Variants in GOSR2 observed in about 807,000 individuals in gnomAD.
GOSR2 encodes golgi SNAP receptor complex member 2, also known as 27 kDa Golgi SNARE protein.
GOSR2 carries 20 observed loss-of-function variants against 27.9 expected under a neutral mutation model. That is an observed-to-expected ratio of 0.72 (90% CI 0.50 to 1.04). The LOEUF is 1.04. Among genes scored for constraint, GOSR2 ranks in the 50% least tolerant of loss-of-function variants. The probability of loss-of-function intolerance (pLI) is 0.00; values close to 1 mark genes in which losing one functional copy is unlikely to be tolerated. For synonymous variants in GOSR2, 91 were observed against 98.8 expected (o/e 0.92, Z 0.47); for missense variants, 261 against 270.5 (o/e 0.97, Z 0.25).
chr17:46,944,348 A>G (rs1245051092), downstream of GOSR2, among the ~76,000 whole-genome samples: 2 of 152,232 alleles, frequency 1.3e-5, no homozygotes, highest in African/African-American at 2.4e-5. Flanking sequence ...GCTGGCAGCA[A>G]CCACGGGCCA....
At position 46,941,984 on chromosome 17, in the gene GOSR2, GT is replaced by G; in HGVS notation, c.*3226del. Reference sequence around the variant, plus strand: ...CACATTGGTGTAAAGAGCAAAACTTGTTAAGTCCAAAATAAATTCTTACTGT... The same window carrying G: ...CACATTGGTGTAAAGAGCAAAACTTGTAAGTCCAAAATAAATTCTTACTGT... On this transcript the variant is annotated 3_prime_UTR_variant, in exon 6 of 6. Transcript: ENST00000640051. 2.0e-6 allele frequency: 2 copies of G among 982,578 alleles called. No individual in the cohort carries two copies. Among genetic ancestry groups the G allele is most frequent in the South Asian group, 9.4e-5 (2 of 21,230 alleles). 60.9% of individuals were successfully genotyped at this position (982,578 alleles called of 1,614,324 possible).
At chr17:46,952,158 G>A (rs187056869) in intron 6 of GOSR2, among the ~76,000 whole-genome samples, 7 of 152,150 alleles carry the variant, frequency 4.6e-5, no homozygotes, top group East Asian at 3.9e-4. Flanking sequence ...CCAGCATCTC[G>A]TCTTTGGACT....
chr17:46,924,845 G>A (rs560251351), intron 1 of GOSR2, among the ~76,000 whole-genome samples: 21 of 152,292 alleles, frequency 1.4e-4, no homozygotes, highest in African/African-American at 5.1e-4. Flanking sequence ...CAATAGCAGG[G>A]CACAATGGGC....
At chr17:46,943,668 C>G (rs570249473), downstream of GOSR2, among the ~76,000 whole-genome samples, 2 of 152,354 alleles carry the variant, frequency 1.3e-5, no homozygotes, top group East Asian at 1.9e-4. Context: ...GAGCCCATCC[C>G]CCATGCAGGG....
At chr17:46,946,883 T>G (rs117253101), downstream of GOSR2, among the ~76,000 whole-genome samples, 6 of 152,044 alleles carry the variant, frequency 3.9e-5, no homozygotes, top group East Asian at 1.2e-3. Context: ...AAACAAAAAT[T>G]ATGAGATGTC....
intron 6 of GOSR2, chr17:46,966,457 C>T (rs2091324494): frequency 8.1e-6 from 5 of 619,726 alleles, no homozygotes; most frequent in Non-Finnish European, 1.5e-5. Flanking sequence ...AAGCAATCCT[C>T]CCATCTCAGC....
Position 46,938,614 on chromosome 17 carries a change from A to C in GOSR2, c.493A>C (p.Ile165Leu), listed in dbSNP as rs1568183739. 2 of 1,613,934 alleles carry C rather than the reference A, an allele frequency of 1.2e-6. No homozygotes were observed. Among genetic ancestry groups the C allele is most frequent in the African/African-American group, 2.7e-5 (2 of 74,982 alleles). ...RLTLKGTQKKILDIANMLGLS... is the reference protein window; with the variant it reads ...RLTLKGTQKKLLDIANMLGLS... ...TCTGCCCCAGGGGACTCAGAAGAAGATCCTTGACATTGCCAACATGCTGGG... is the reference window on the plus strand; with the variant it reads ...TCTGCCCCAGGGGACTCAGAAGAAGCTCCTTGACATTGCCAACATGCTGGG... Residue 165 changes from isoleucine to leucine, a missense_variant, in exon 6 of 6, where the codon ATC becomes CTC. Physicochemically the swap from Ile to Leu is conservative, Grantham distance 5. Coordinates refer to ENST00000640051, the MANE Select transcript of GOSR2 (RefSeq NM_004287.5).
downstream of GOSR2, among the ~76,000 whole-genome samples, chr17:46,970,477 T>C (rs2091379784): frequency 1.4e-5 from 2 of 140,610 alleles, no homozygotes; most frequent in African/African-American, 2.6e-5. Flanking sequence ...GAGGCACAGG[T>C]TGCAGCAAGC....
chr17:46,940,137 G>T lies in GOSR2; in HGVS notation c.*1377G>T. 1 of 1,251,254 alleles carries T rather than the reference G, an allele frequency of 8.0e-7. No individual in the cohort carries two copies. The highest frequency in any genetic ancestry group is 1.0e-6 in the Non-Finnish European group (1 of 991,764). The allele number at this position is 1,251,254 out of a possible 1,614,324, so 77.5% of individuals were successfully genotyped here. On this transcript the variant is annotated 3_prime_UTR_variant, in exon 6 of 6. Transcript: ENST00000640051. ...CTTCACCTCTCTTGTTCCCCTCCCC[G>T]CTGCTCTGTAGTCATGTTGGTCCTT...
At chr17:46,959,848 C>A (rs148075480) in intron 6 of GOSR2, among the ~76,000 whole-genome samples, 315 of 152,336 alleles carry the variant, frequency 2.1e-3, no homozygotes, top group Non-Finnish European at 3.8e-3. Flanking sequence ...ACCACTGGAG[C>A]TGACTTTCTT....
At chr17:46,974,993 T>C (rs1023839220) in intron 6 of GOSR2, among the ~76,000 whole-genome samples, 5 of 12,720 alleles carry the variant, frequency 3.9e-4, no homozygotes, top group African/African-American at 6.5e-4. Context: ...TTTTCTTTTT[T>C]TTTTTTTTTT....
intron 6 of GOSR2, among the ~76,000 whole-genome samples, chr17:46,974,457 G>A (rs972450706): frequency 1.3e-5 from 2 of 152,200 alleles, no homozygotes; most frequent in Middle Eastern, 3.2e-3. Context: ...CATCTCCGCC[G>A]GGCGCGGTGG....
exon 7 of GOSR2, chr17:46,966,973 T>A: frequency 3.1e-6 from 1 of 327,652 alleles, no homozygotes; most frequent in Non-Finnish European, 5.5e-6. Context: ...GTTTTGCTTA[T>A]TTGATTAAAT....
In GOSR2 at chr17:46,923,361, G is replaced by A. The variant is rs545533018; in HGVS notation, c.29+140G>A. The A allele has an allele frequency of 7.3e-6, 11 of 1,499,214 alleles. No individual in the cohort carries two copies. In the East Asian group the frequency reaches 2.7e-4, roughly 37 times the overall value. 92.9% of individuals were successfully genotyped at this position (1,499,214 alleles called of 1,614,324 possible). A position where few individuals can be genotyped will look rare whatever the true frequency, so the allele number is the denominator to read the frequency against. On this transcript the variant is annotated intron_variant, in intron 1 of 5. Coordinates refer to ENST00000640051, the MANE Select transcript of GOSR2 (RefSeq NM_004287.5). Reference sequence around the variant, plus strand: ...GGGCACTGCTGGGGATGCCTCCGAAGTGCTTAATCCTTGGCGGGACTCCCA... The same window carrying A: ...GGGCACTGCTGGGGATGCCTCCGAAATGCTTAATCCTTGGCGGGACTCCCA...
In GOSR2 at chr17:46,923,196, G is replaced by C. The variant is rs1425442098; in HGVS notation, c.4G>C (p.Asp2His). The C allele has an allele frequency of 3.0e-5, 47 of 1,547,156 alleles. No individual in the cohort carries two copies. The highest frequency in any genetic ancestry group is 4.0e-5 in the Non-Finnish European group (46 of 1,143,156). Reference protein sequence around the residue: MDPLFQQTHKQV... With the variant: MHPLFQQTHKQV... ...CGTGGCCTGCGGGGCCGGCGACATG[G>C]ATCCCCTGTTCCAGCAAACGCACAA... Residue 2 changes from aspartate (D) to histidine (H), a missense_variant, in exon 1 of 6, where the codon GAT (aspartate) becomes CAT (histidine). Physicochemically the swap from Asp to His is moderately conservative, Grantham distance 81. Coordinates refer to ENST00000640051, the MANE Select transcript of GOSR2 (RefSeq NM_004287.5).
chr17:46,928,929 C>T (rs1466748458), intron 1 of GOSR2, among the ~76,000 whole-genome samples: 4 of 152,106 alleles, frequency 2.6e-5, no homozygotes, highest in Non-Finnish European at 5.9e-5. Context: ...CCTCTGTCTG[C>T]TTGCCTGTGA....
At chr17:46,949,906 G>A (rs550114913) in intron 6 of GOSR2, among the ~76,000 whole-genome samples, 1 of 152,318 alleles carries the variant, frequency 6.6e-6, no homozygotes, top group South Asian at 2.1e-4. Flanking sequence ...GGTAAGTTGA[G>A]GCCAGACGCG....
intron 6 of GOSR2, among the ~76,000 whole-genome samples, chr17:46,956,715 T>C (rs1161751832): frequency 6.6e-6 from 1 of 152,224 alleles, no homozygotes; most frequent in Non-Finnish European, 1.5e-5. Flanking sequence ...ATGTGTCTAC[T>C]GTCTCGTGGC....
intron 6 of GOSR2, among the ~76,000 whole-genome samples, chr17:46,957,375 G>A (rs1469058497): frequency 6.6e-6 from 1 of 152,218 alleles, no homozygotes; most frequent in Non-Finnish European, 1.5e-5. Flanking sequence ...CAATTTGGGA[G>A]GCTGAGGCAG....
Sources: gnomAD v4.1 joint callset for allele counts (sites outside exome capture counted in the v4.1 genomes callset) on GRCh38, gnomAD v4.1.1 for gene constraint, MANE v1.5 for transcripts, NCBI Gene and HGNC (gene_info 2026-07-23, HGNC 2026-07-21) for gene names.